RPS3: variants seen among roughly 807,000 people sequenced by gnomAD.
RPS3 encodes ribosomal protein S3.
In RPS3, 2 loss-of-function variants were observed where a neutral mutation model predicts 25.8. The ratio of observed to expected loss-of-function variants is 0.08; its 90% CI spans 0.03 to 0.24. The LOEUF (loss-of-function observed/expected upper bound fraction) is 0.24, where lower values mean the gene tolerates loss of function less well. Ranked by LOEUF, RPS3 falls within the 10% of genes least tolerant of loss-of-function variation. The probability of loss-of-function intolerance (pLI) is 1.00; values close to 1 mark genes in which losing one functional copy is unlikely to be tolerated. For missense variants in RPS3, 107 were observed against 307.1 expected (o/e 0.35, Z 4.87); for synonymous variants, 114 against 114.2 (o/e 1.00, Z 0.01).
chr11:75,402,552 C>A, intron 4 of RPS3, 106 bp downstream of exon 4: 1 of 1,211,134 alleles, frequency 8.3e-7, no homozygotes, highest in Non-Finnish European at 1.2e-6. Context: ...ACAGGATCTG[C>A]TAGTCTCCCA....
At chr11:75,420,846 G>A (rs1278932474) in intron 6 of RPS3, among the ~76,000 whole-genome samples, 8 of 152,010 alleles carry the variant, frequency 5.3e-5, no homozygotes, top group South Asian at 2.1e-4. Context: ...AGGCAACTCG[G>A]GTTGAGGTTA....
intron 4 of RPS3, 157 bp downstream of exon 4, chr11:75,402,603 G>T: frequency 2.8e-6 from 2 of 706,672 alleles, no homozygotes; most frequent in Admixed American, 3.1e-5. Flanking sequence ...CACTGAACTG[G>T]CAGGCTAACA....
chr11:75,400,041 A>G (rs908037026), intron 1 of RPS3, among the ~76,000 whole-genome samples: 2 of 152,136 alleles, frequency 1.3e-5, no homozygotes, highest in African/African-American at 4.8e-5. Context: ...CCCCGGGAGG[A>G]AGCTGCCTCG....
Position 75,404,542 on chromosome 11 carries a change from A to G in RPS3, c.539-130A>G. 1.1e-6 allele frequency: 1 copy of G among 899,822 alleles called. No individual in the cohort carries two copies. The highest frequency in any genetic ancestry group is 1.3e-5 in the South Asian group (1 of 76,138). 55.7% of individuals were successfully genotyped at this position (899,822 alleles called of 1,614,324 possible). On this transcript the variant is annotated intron_variant, in intron 5 of 6. Transcript: ENST00000531188. This position sits in a 1 kb window ranked among gnomAD's most constrained non-coding sequence, Gnocchi z 4.6. ...GCAGAAGTGTCCTATTTATTGATCG[A>G]TTTAGAGGCATTTGTCTGAGAAGGG... is the stretch of plus-strand genomic sequence containing the variant.
At chr11:75,402,774 G>C (rs1948230812) in intron 4 of RPS3, 2 of 181,368 alleles carry the variant, frequency 1.1e-5, no homozygotes, top group East Asian at 1.3e-4. Flanking sequence ...GTTGCGGGGG[G>C]CGGGGCAGTG....
chr11:75,408,258 T>C (rs1396049385), downstream of RPS3, among the ~76,000 whole-genome samples: 1 of 152,152 alleles, frequency 6.6e-6, no homozygotes, highest in African/African-American at 2.4e-5. Flanking sequence ...ATCCCAGCAC[T>C]TCGGGAGGCC....
chr11:75,422,232 T>C, exon 7 of RPS3: 1 of 195,648 alleles, frequency 5.1e-6, no homozygotes, highest in Non-Finnish European at 1.0e-5. Flanking sequence ...AAACACCAGA[T>C]CTGCTGGCCA....
chr11:75,419,079 G>C lies in RPS3; in HGVS notation c.*4-2648G>C, dbSNP rs10047443. 2.6e-5 allele frequency among the ~76,000 whole-genome samples: 4 copies of C among 152,166 alleles called. No homozygotes were observed. In the South Asian group the frequency reaches 8.3e-4, roughly 32 times the overall value. The stretch of plus-strand genomic sequence containing the variant: ...TAGGGCCACTTTCCTGCCAGAGGGG[G>C]TGGGTGCCAAAGGATGTGGGTCTTT... On this transcript the variant is annotated intron_variant, in intron 6 of 6. Transcript: ENST00000527446.
At chr11:75,410,477 T>C (rs567824435), downstream of RPS3, among the ~76,000 whole-genome samples, 7 of 146,826 alleles carry the variant, frequency 4.8e-5, no homozygotes, top group East Asian at 4.0e-4. Flanking sequence ...GGATGGCGGC[T>C]GGGCAGAGAC....
At chr11:75,413,545 C>T (rs1033976332) in intron 6 of RPS3, among the ~76,000 whole-genome samples, 4 of 152,138 alleles carry the variant, frequency 2.6e-5, no homozygotes, top group Non-Finnish European at 4.4e-5. Context: ...CATGAGCCAC[C>T]GCGCCCAGCC....
At chr11:75,415,058 T>C (rs1407037490) in intron 6 of RPS3, among the ~76,000 whole-genome samples, 2 of 152,188 alleles carry the variant, frequency 1.3e-5, no homozygotes. Context: ...CAGTCAGCCA[T>C]GCTCCTCACT....
chr11:75,399,605 A>C lies in RPS3; in HGVS notation c.30+28A>C, dbSNP rs1197471623. 3.1e-6 allele frequency: 5 copies of C among 1,608,400 alleles called. No homozygotes were observed. In the South Asian group the frequency reaches 4.4e-5, roughly 14 times the overall value. ...GAGCCTCTGGGGACTGGGTTCGGAG[A>C]ACGACGGCGCCGCGCGGGTCGAGGG... On this transcript the variant is annotated intron_variant, in intron 1 of 6. Transcript: ENST00000531188.
chr11:75,402,076 A>G lies in RPS3; in HGVS notation c.256-276A>G, dbSNP rs777244880. On this transcript the variant is annotated intron_variant, in intron 3 of 6. Transcript: ENST00000531188. ...TTAGGAATTGAGGGATACTGAAATTATATGCTGTATATGATGGTGGTGTCC... is the reference window on the plus strand; with the variant it reads ...TTAGGAATTGAGGGATACTGAAATTGTATGCTGTATATGATGGTGGTGTCC... 9.1e-6 allele frequency: 5 copies of G among 550,626 alleles called. No homozygotes were observed. In the East Asian group the frequency reaches 1.5e-4, roughly 17 times the overall value. The allele number at this position is 550,626 out of a possible 1,614,324, so 34.1% of individuals were successfully genotyped here. A position where few individuals can be genotyped will look rare whatever the true frequency, so the allele number is the denominator to read the frequency against.
chr11:75,400,159 C>A (rs146732757), intron 1 of RPS3, among the ~76,000 whole-genome samples: 1 of 152,166 alleles, frequency 6.6e-6, no homozygotes, highest in Non-Finnish European at 1.5e-5. Context: ...AAATTAAATC[C>A]ACAACTTCTC....
intron 6 of RPS3, among the ~76,000 whole-genome samples, chr11:75,413,555 CCTT>C (rs1352858689): frequency 1.3e-5 from 2 of 152,232 alleles, no homozygotes; most frequent in South Asian, 2.1e-4. Context: ...CGCGCCCAGC[CCTT>C]CTTGTATATT....
chr11:75,414,715 G>A (rs1948382998), intron 6 of RPS3, among the ~76,000 whole-genome samples: 1 of 152,236 alleles, frequency 6.6e-6, no homozygotes, highest in African/African-American at 2.4e-5. Context: ...GGAGCTGGGA[G>A]CTGCTTAACT....
At chr11:75,413,335 C>T (rs1188452398) in intron 6 of RPS3, among the ~76,000 whole-genome samples, 1 of 152,128 alleles carries the variant, frequency 6.6e-6, no homozygotes, top group African/African-American at 2.4e-5. Context: ...CAGCTCACTG[C>T]AAGCTCTGCC....
intron 1 of RPS3, among the ~76,000 whole-genome samples, chr11:75,400,164 C>T (rs1389378882): frequency 6.6e-6 from 1 of 152,228 alleles, no homozygotes; most frequent in Non-Finnish European, 1.5e-5. Context: ...AAATCCACAA[C>T]TTCTCGAGAG....
chr11:75,414,981 T>C (rs1948384922), intron 6 of RPS3, among the ~76,000 whole-genome samples: 1 of 152,204 alleles, frequency 6.6e-6, no homozygotes, highest in South Asian at 2.1e-4. Context: ...CCTGCATCTG[T>C]GACCTCACAC....
Sources: gnomAD v4.1 joint callset for allele counts (sites outside exome capture counted in the v4.1 genomes callset) on GRCh38, gnomAD v4.1.1 for gene constraint, Gnocchi (gnomAD v3.1) non-coding constraint, MANE v1.5 for transcripts, NCBI Gene and HGNC (gene_info 2026-07-23, HGNC 2026-07-21) for gene names.